KHDRBS2: variants seen among roughly 807,000 people sequenced by gnomAD.
KHDRBS2 encodes KH domain-containing, RNA-binding, signal transduction-associated protein 2.
In KHDRBS2, 26 loss-of-function variants were observed where a neutral mutation model predicts 44.3. The observed-to-expected ratio is 0.59, with a 90% CI of 0.43 to 0.81. The LOEUF (loss-of-function observed/expected upper bound fraction) is 0.81. KHDRBS2 is among the 40% of genes least tolerant of loss of function. The pLI, the probability that KHDRBS2 is intolerant of heterozygous loss-of-function variation, is 0.00. For synonymous variants in KHDRBS2, 194 were observed against 151.1 expected, an observed-to-expected ratio of 1.28 and a Z score of -2.08; for missense variants, 476 against 433.1, an observed-to-expected ratio of 1.10 and a Z score of -0.88.
intron 1 of KHDRBS2, among the ~76,000 whole-genome samples, chr6:62,227,171 A>G (rs1832019848): frequency 6.6e-6 from 1 of 152,052 alleles, no homozygotes; most frequent in African/African-American, 2.4e-5. Context: ...ATGTTTTTCC[A>G]TTTGTTTGTG....
intron 2 of KHDRBS2, among the ~76,000 whole-genome samples, chr6:62,099,983 TTTC>T (rs1801493045): frequency 6.6e-6 from 1 of 152,226 alleles, no homozygotes; most frequent in Non-Finnish European, 1.5e-5. Context: ...CAGATAGTGA[TTTC>T]TCTGATGAAT....
At chr6:62,219,933 ATT>A (rs574387638) in intron 1 of KHDRBS2, among the ~76,000 whole-genome samples, 170 of 147,428 alleles carry the variant, frequency 1.2e-3, no homozygotes, top group African/African-American at 3.9e-3. Flanking sequence ...ATATATATAT[ATT>A]AATAGTATAT....
chr6:61,564,233 A>G, the KHDRBS2 span, among the ~76,000 whole-genome samples: 1 of 152,132 alleles, frequency 6.6e-6, no homozygotes, highest in South Asian at 2.1e-4. Context: ...TTTATTAAGC[A>G]TCTACCACAT....
chr6:62,098,325 G>T (rs1801115334), intron 2 of KHDRBS2, among the ~76,000 whole-genome samples: 2 of 149,194 alleles, frequency 1.3e-5, no homozygotes, highest in South Asian at 4.2e-4. Context: ...TTATAAGACA[G>T]ATCTGGTGGT....
intron 2 of KHDRBS2, among the ~76,000 whole-genome samples, chr6:62,056,152 G>A (rs1790246172): frequency 6.6e-6 from 1 of 151,808 alleles, no homozygotes; most frequent in Non-Finnish European, 1.5e-5. Context: ...AATATAGAGT[G>A]GCTTTTGTTT....
At chr6:62,194,775 G>A (rs1825335565) in intron 1 of KHDRBS2, among the ~76,000 whole-genome samples, 1 of 151,246 alleles carries the variant, frequency 6.6e-6, no homozygotes, top group Non-Finnish European at 1.5e-5. Flanking sequence ...CCAAAGTGTT[G>A]GAATTACAGG....
intron 4 of KHDRBS2, among the ~76,000 whole-genome samples, chr6:61,934,251 C>T (rs910031835): frequency 5.3e-5 from 8 of 152,098 alleles, no homozygotes; most frequent in African/African-American, 1.7e-4. Flanking sequence ...TCTTCTGTAG[C>T]TTGTCTCTTT....
At chr6:61,747,886 G>A (rs1777091698) in intron 6 of KHDRBS2, among the ~76,000 whole-genome samples, 1 of 152,036 alleles carries the variant, frequency 6.6e-6, no homozygotes, top group Non-Finnish European at 1.5e-5. Context: ...TAGCAGTGCT[G>A]GTTAACAGAT....
rs570486760 is a variant in KHDRBS2 at position 62,060,905 on chromosome 6, T to A, written c.220-12911A>T. ...CCAGATGTTTCAAAATAACATGGTC[T>A]ATGTTAAAATCATATTATACTTTAC... On this transcript the variant is annotated intron_variant, in intron 2 of 8. Coordinates refer to ENST00000281156, the MANE Select transcript of KHDRBS2 (RefSeq NM_152688.4). 4.6e-5 allele frequency among the ~76,000 whole-genome samples: 7 copies of A among 152,080 alleles called. 1 individual carries two copies. The South Asian group carries it at 1.2e-3, about 27-fold the overall frequency.
At chr6:62,187,760 A>G (rs1823743196) in intron 1 of KHDRBS2, among the ~76,000 whole-genome samples, 1 of 152,056 alleles carries the variant, frequency 6.6e-6, no homozygotes, top group African/African-American at 2.4e-5. Context: ...GGTGAAATCT[A>G]TCCTCTTAAC....
chr6:61,865,949 G>A (rs1797725594), intron 6 of KHDRBS2, among the ~76,000 whole-genome samples: 1 of 152,204 alleles, frequency 6.6e-6, no homozygotes, highest in South Asian at 2.1e-4. Context: ...CAACCCTGTG[G>A]CTTTGCAAGG....
intron 2 of KHDRBS2, among the ~76,000 whole-genome samples, chr6:62,066,455 T>G (rs984797878): frequency 7.9e-5 from 12 of 151,710 alleles, no homozygotes; most frequent in Non-Finnish European, 1.6e-4. Flanking sequence ...ATTTTGACTT[T>G]CTTTAAATGA....
the KHDRBS2 span, among the ~76,000 whole-genome samples, chr6:61,619,967 G>A: frequency 6.6e-6 from 1 of 152,194 alleles, no homozygotes; most frequent in Non-Finnish European, 1.5e-5. Context: ...CCTTCAGTCT[G>A]TAATCTTTCA....
chr6:61,840,337 T>C (rs1014878603), intron 6 of KHDRBS2, among the ~76,000 whole-genome samples: 1 of 152,168 alleles, frequency 6.6e-6, no homozygotes, highest in African/African-American at 2.4e-5. Flanking sequence ...TCTCAGTTCA[T>C]ATATTTCAAG....
the KHDRBS2 span, among the ~76,000 whole-genome samples, chr6:61,609,017 G>GGAA: frequency 1.3e-5 from 2 of 152,310 alleles, no homozygotes; most frequent in Admixed American, 1.3e-4. Flanking sequence ...TCGCCACACT[G>GGAA]TCTTCCACAA....
chr6:61,767,162 T>C (rs1780135567), intron 6 of KHDRBS2, among the ~76,000 whole-genome samples: 2 of 152,130 alleles, frequency 1.3e-5, no homozygotes, highest in South Asian at 4.1e-4. Flanking sequence ...ATATTTATAA[T>C]TGTTATATAC....
the KHDRBS2 span, among the ~76,000 whole-genome samples, chr6:61,661,043 A>G: frequency 6.6e-6 from 1 of 151,900 alleles, no homozygotes; most frequent in South Asian, 2.1e-4. Flanking sequence ...TAAGACACAC[A>G]GAAATTGTGT....
intron 4 of KHDRBS2, among the ~76,000 whole-genome samples, chr6:61,925,359 T>G (rs141190124): frequency 1.8e-4 from 28 of 152,274 alleles, no homozygotes; most frequent in African/African-American, 6.3e-4. Context: ...AAGGAATAAA[T>G]AACTAGTCCA....
chr6:61,847,065 T>C (rs1794525279), intron 6 of KHDRBS2, among the ~76,000 whole-genome samples: 2 of 152,228 alleles, frequency 1.3e-5, no homozygotes, highest in African/African-American at 2.4e-5. Flanking sequence ...ATTTAAAGTA[T>C]ATTTGAACAT....
Sources: gnomAD v4.1 joint callset for allele counts (sites outside exome capture counted in the v4.1 genomes callset) on GRCh38, gnomAD v4.1.1 for gene constraint, MANE v1.5 for transcripts, NCBI Gene and HGNC (gene_info 2026-07-23, HGNC 2026-07-21) for gene names.